The following PCDHGB6 variants were observed in gnomAD, a reference collection of about 807,000 sequenced individuals.
PCDHGB6 encodes protocadherin gamma subfamily B, 6, also known as protocadherin gamma-B6.
In PCDHGB6, 51 loss-of-function variants were observed where a neutral mutation model predicts 59.1. The ratio of observed to expected loss-of-function variants is 0.86; its 90% CI spans 0.69 to 1.09. The LOEUF (loss-of-function observed/expected upper bound fraction) is 1.09. PCDHGB6 is among the 50% of genes least tolerant of loss of function. The probability of loss-of-function intolerance (pLI) is 0.00; values close to 1 mark genes in which losing one functional copy is unlikely to be tolerated. For synonymous variants in PCDHGB6, 466 were observed against 495.1 expected (o/e 0.94, Z 0.78); for missense variants, 1,148 against 1,205.1 (o/e 0.95, Z 0.70).
chr5:141,417,528 A>G, intron 1 of PCDHGB6: 1 of 277,368 alleles, frequency 3.6e-6, no homozygotes, highest in Non-Finnish European at 6.7e-6. Context: ...GTCAACTCGT[A>G]GTTTAAAAAA....
At chr5:141,510,408 T>C (rs1447722710) in intron 3 of PCDHGB6, among the ~76,000 whole-genome samples, 1 of 151,878 alleles carries the variant, frequency 6.6e-6, no homozygotes, top group African/African-American at 2.4e-5. Flanking sequence ...GCTAGGGGCA[T>C]GTAAAGCCAT....
rs760509503 is a variant in PCDHGB6 at position 141,432,756 on chromosome 5, A to T, written c.2418+22136A>T. The T allele has an allele frequency of 5.6e-6, 9 of 1,613,958 alleles. No homozygotes were observed. Among genetic ancestry groups the T allele is most frequent in the Non-Finnish European group, 7.6e-6 (9 of 1,179,994 alleles). On this transcript the variant is annotated intron_variant, in intron 1 of 3. Transcript: ENST00000520790. This position sits in a 1 kb window ranked among gnomAD's most constrained non-coding sequence, Gnocchi z 6.0. ...GTCACGCTCACCGTGGCCGTGGCCG[A>T]CAGCATCCCCCAAGTCCTGGCGGAC...
rs561824381 is a variant in PCDHGB6 at position 141,449,084 on chromosome 5, C to T, written c.2418+38464C>T. Among the ~76,000 whole-genome samples, 8 of 152,250 alleles carry T rather than the reference C, an allele frequency of 5.3e-5. No individual in the cohort carries two copies. In the East Asian group the frequency reaches 1.4e-3, roughly 26 times the overall value. The stretch of plus-strand genomic sequence containing the variant: ...CTATTGAATAGCCCTGTACCTACAT[C>T]AGTTTTTACATATGCAGTATATCTT... On this transcript the variant is annotated intron_variant, in intron 1 of 3. Transcript: ENST00000520790.
In PCDHGB6 at chr5:141,432,076, G is replaced by A. The variant is rs1442341840; in HGVS notation, c.2418+21456G>A. The A allele has an allele frequency of 1.2e-6, 2 of 1,614,160 alleles. No homozygotes were observed. Among genetic ancestry groups the A allele is most frequent in the East Asian group, 2.2e-5 (1 of 44,872 alleles). On this transcript the variant is annotated intron_variant, in intron 1 of 3. Coordinates refer to ENST00000520790, the MANE Select transcript of PCDHGB6 (RefSeq NM_018926.3). This position sits in a 1 kb window ranked among gnomAD's most constrained non-coding sequence, Gnocchi z 6.0. ...CCCTATCCACGGAAACTCATATCTCGCTGAACGTGGCAGACACCAACGACA... is the reference window on the plus strand; with the variant it reads ...CCCTATCCACGGAAACTCATATCTCACTGAACGTGGCAGACACCAACGACA...
intron 1 of PCDHGB6, chr5:141,478,285 T>G (rs1468354835): frequency 6.2e-7 from 1 of 1,614,040 alleles, no homozygotes; most frequent in Non-Finnish European, 8.5e-7. Context: ...GGAAGCAGTC[T>G]AGAGACCTAT....
Position 141,409,897 on chromosome 5 carries a change from A to C in PCDHGB6, c.1695A>C (p.Pro565=), listed in dbSNP as rs549955923. Residue 565 remains proline (P), a synonymous_variant, in exon 1 of 4, where the codon CCA becomes CCC. Coordinates refer to ENST00000520790, the MANE Select transcript of PCDHGB6 (RefSeq NM_018926.3). ...RNDNAPRVLY[P]ALGPDGSAFF... ...ACAACGCACCGCGGGTGCTGTACCC[A>C]GCTCTGGGTCCTGACGGCTCCGCGT... 6.2e-7 allele frequency: 1 copy of C among 1,613,086 alleles called. No homozygotes were observed. Among genetic ancestry groups the C allele is most frequent in the Non-Finnish European group, 8.5e-7 (1 of 1,179,706 alleles).
In PCDHGB6 at chr5:141,477,125, A is replaced by G; in HGVS notation, c.2419-17682A>G. The G allele has an allele frequency of 2.5e-6, 4 of 1,614,212 alleles. No individual in the cohort carries two copies. The highest frequency in any genetic ancestry group is 3.4e-6 in the Non-Finnish European group (4 of 1,180,036). On this transcript the variant is annotated intron_variant, in intron 1 of 3. Transcript: ENST00000520790. This position sits in a 1 kb window ranked among gnomAD's most constrained non-coding sequence, Gnocchi z 4.9. ...CGCCAATCCCGAAGGAGCACATTGC[A>G]AAGTGTTGGTGGAGGTTGTGGATGT...
At chr5:141,423,666 A>G in intron 1 of PCDHGB6, 1 of 1,494,380 alleles carries the variant, frequency 6.7e-7, no homozygotes, top group Non-Finnish European at 8.9e-7. Context: ...ATCAGGTGAG[A>G]TTTATTTCTC....
chr5:141,422,349 T>G, intron 1 of PCDHGB6: 1 of 1,554,722 alleles, frequency 6.4e-7, no homozygotes, highest in South Asian at 1.3e-5. Flanking sequence ...ATGTGCAAGA[T>G]CAAGATTCTG....
In PCDHGB6 at chr5:141,486,853, C is replaced by T. The variant is rs1401626024; in HGVS notation, c.2419-7954C>T. The stretch of plus-strand genomic sequence containing the variant: ...GTCTATTTGTGCTGGACCTCAATGA[C>T]AATGCTCCAGCTGTGCTCCGTCCTC... On this transcript the variant is annotated intron_variant, in intron 1 of 3. Coordinates refer to ENST00000520790, the MANE Select transcript of PCDHGB6 (RefSeq NM_018926.3). This position sits in a 1 kb window ranked among gnomAD's most constrained non-coding sequence, Gnocchi z 5.0. 6.2e-7 allele frequency: 1 copy of T among 1,614,244 alleles called. No individual in the cohort carries two copies. The highest frequency in any genetic ancestry group is 2.2e-5 in the East Asian group (1 of 44,886).
chr5:141,410,629 C>A lies in PCDHGB6; in HGVS notation c.2418+9C>A, dbSNP rs1393614526. 1 of 1,601,482 alleles carries A rather than the reference C, an allele frequency of 6.2e-7. No homozygotes were observed. The highest frequency in any genetic ancestry group is 2.2e-5 in the East Asian group (1 of 44,836). Reference sequence around the variant, plus strand: ...CTGAGACTCTGACTTCGGTGAGTTTCTCTTTTTTGTGTGTGATTTATCTAA... The same window carrying A: ...CTGAGACTCTGACTTCGGTGAGTTTATCTTTTTTGTGTGTGATTTATCTAA... On this transcript the variant is annotated intron_variant, in intron 1 of 3. Coordinates refer to ENST00000520790, the MANE Select transcript of PCDHGB6 (RefSeq NM_018926.3).
chr5:141,476,382 A>G lies in PCDHGB6; in HGVS notation c.2419-18425A>G, dbSNP rs777831089. ...CGGGAGACCGGAGAGATGTTTGTGA[A>G]CGACCGTCTGGATCGAGAGGAGCTG... On this transcript the variant is annotated intron_variant, in intron 1 of 3. Transcript: ENST00000520790. This position sits in a 1 kb window ranked among gnomAD's most constrained non-coding sequence, Gnocchi z 7.6. 3.7e-6 allele frequency: 6 copies of G among 1,613,866 alleles called. No individual in the cohort carries two copies. The East Asian group carries it at 1.3e-4, about 36-fold the overall frequency.
At chr5:141,478,524 C>T in intron 1 of PCDHGB6, 1 of 1,609,844 alleles carries the variant, frequency 6.2e-7, no homozygotes, top group Non-Finnish European at 8.5e-7. Flanking sequence ...GTGTTGGGTG[C>T]AGAGAGCGCC....
At chr5:141,488,031 A>G (rs1475176300) in intron 1 of PCDHGB6, among the ~76,000 whole-genome samples, 1 of 152,122 alleles carries the variant, frequency 6.6e-6, no homozygotes, top group Non-Finnish European at 1.5e-5. Context: ...CTAGGTTACC[A>G]TTTCCCAAGG....
At chr5:141,461,354 C>T (rs1189322704) in intron 1 of PCDHGB6, among the ~76,000 whole-genome samples, 2 of 152,054 alleles carry the variant, frequency 1.3e-5, no homozygotes, top group Non-Finnish European at 2.9e-5. Context: ...GGTGGTAGCT[C>T]GTTGTGGTTT....
At position 141,486,653 on chromosome 5, in the gene PCDHGB6, C is replaced by A; in HGVS notation, c.2419-8154C>A. 1 of 1,613,968 alleles carries A rather than the reference C, an allele frequency of 6.2e-7. No homozygotes were observed. Among genetic ancestry groups the A allele is most frequent in the Non-Finnish European group, 8.5e-7 (1 of 1,180,034 alleles). On this transcript the variant is annotated intron_variant, in intron 1 of 3. Coordinates refer to ENST00000520790, the MANE Select transcript of PCDHGB6 (RefSeq NM_018926.3). This position sits in a 1 kb window ranked among gnomAD's most constrained non-coding sequence, Gnocchi z 5.0. ...CTTGAATGCGCTTATCTCCTACTCA[C>A]TCCTGGAGCCCAGGAATCGAGATGT... is the stretch of plus-strand genomic sequence containing the variant.
In PCDHGB6 at chr5:141,431,889, A is replaced by G; in HGVS notation, c.2418+21269A>G. 1 of 1,614,170 alleles carries G rather than the reference A, an allele frequency of 6.2e-7. No homozygotes were observed. The highest frequency in any genetic ancestry group is 2.2e-5 in the East Asian group (1 of 44,888). On this transcript the variant is annotated intron_variant, in intron 1 of 3. Transcript: ENST00000520790. The surrounding 1 kb of genome is among the most constrained non-coding windows in gnomAD (Gnocchi z 4.8). The stretch of plus-strand genomic sequence containing the variant: ...TTAAATGTAAATGACCAAGATTCTG[A>G]GGAAAACGGACAGGTGATCTGTTTC...
At position 141,476,043 on chromosome 5, in the gene PCDHGB6, A is replaced by T. The variant is rs2099384502; in HGVS notation, c.2419-18764A>T. 1 of 1,492,156 alleles carries T rather than the reference A, an allele frequency of 6.7e-7. No individual in the cohort carries two copies. Among genetic ancestry groups the T allele is most frequent in the African/African-American group, 1.4e-5 (1 of 71,628 alleles). The allele number at this position is 1,492,156 out of a possible 1,614,324, so 92.4% of individuals were successfully genotyped here. On this transcript the variant is annotated intron_variant, in intron 1 of 3. Coordinates refer to ENST00000520790, the MANE Select transcript of PCDHGB6 (RefSeq NM_018926.3). The surrounding 1 kb of genome is among the most constrained non-coding windows in gnomAD (Gnocchi z 7.6). ...ACTCGGCGCCCAGCGCCCAAGCGCT[A>T]ACCCGCTGAAAGTTTCTCAGCGAAA...
At chr5:141,415,740 GTTTTTTTTTTTTT>G (rs57426385) in intron 1 of PCDHGB6, 160 of 625,000 alleles carry the variant, frequency 2.6e-4, no homozygotes, top group Middle Eastern at 1.1e-3. Context: ...GTTTATTAAG[GTTTTTTTTTTTTT>G]TTTTTTTTTT....
Sources: allele counts gnomAD v4.1 joint callset (sites outside exome capture counted in the v4.1 genomes callset), GRCh38; gene constraint gnomAD v4.1.1; non-coding constraint Gnocchi (gnomAD v3.1); transcripts MANE v1.5; gene names NCBI Gene and HGNC (gene_info 2026-07-23, HGNC 2026-07-21).